KIDINS220: variants seen among roughly 807,000 people sequenced by gnomAD.
KIDINS220 encodes the protein kinase D-interacting substrate of 220 kDa.
Under a neutral mutation model 157.6 loss-of-function variants are expected in KIDINS220, and 63 were observed. The ratio of observed to expected loss-of-function variants is 0.40; its 90% CI spans 0.33 to 0.49. The LOEUF is 0.49. KIDINS220 is among the 20% of genes least tolerant of loss of function. The probability of loss-of-function intolerance (pLI) is 0.66; values close to 1 mark genes in which losing one functional copy is unlikely to be tolerated. For synonymous variants in KIDINS220, 732 were observed against 783.6 expected, an observed-to-expected ratio of 0.93 and a Z score of 1.10; for missense variants, 1,772 against 2,171.2, an observed-to-expected ratio of 0.82 and a Z score of 3.65.
intron 2 of KIDINS220, among the ~76,000 whole-genome samples, chr2:8,824,255 A>C (rs557980246): frequency 6.6e-6 from 1 of 152,362 alleles, no homozygotes; most frequent in South Asian, 2.1e-4. Context: ...GAAAACATTC[A>C]ATAAAAACAT....
At chr2:8,800,303 T>C in intron 9 of KIDINS220, 97 bp downstream of exon 9, 1 of 688,742 alleles carries the variant, frequency 1.5e-6, no homozygotes, top group East Asian at 2.8e-5. Context: ...TTTACAAGTT[T>C]ATCTCCATAG....
intron 22 of KIDINS220, among the ~76,000 whole-genome samples, chr2:8,770,371 G>A (rs1670034124): frequency 6.6e-6 from 1 of 152,090 alleles, no homozygotes; most frequent in Admixed American, 6.6e-5. Flanking sequence ...GTGCCACTGT[G>A]CTCCAACCCG....
At chr2:8,765,947 GT>G (rs1158725612) in intron 22 of KIDINS220, among the ~76,000 whole-genome samples, 1 of 151,916 alleles carries the variant, frequency 6.6e-6, no homozygotes, top group African/African-American at 2.4e-5. Context: ...TTCCACCCAG[GT>G]TCATTCCTAT....
In KIDINS220 at chr2:8,785,893, G is replaced by C. The variant is rs1672333282; in HGVS notation, c.2077C>G (p.Leu693Val). The stretch of plus-strand genomic sequence containing the variant: ...CCCACTACAGATGCGATTGATATGA[G>C]GACAGCATTTACAGTCAGATGCTTT... ...DPKHLTVNAVLISIASVVGLA... is the reference protein window; with the variant it reads ...DPKHLTVNAVVISIASVVGLA... Residue 693 changes from leucine to valine, a missense_variant, in exon 17 of 30, where the codon CTC becomes GTC. This residue lies in a region of KIDINS220 where 725 missense variants were observed against 1,017.1 expected (regional missense o/e 0.71). Coordinates refer to ENST00000256707, the MANE Select transcript of KIDINS220 (RefSeq NM_020738.4). 1 of 1,613,956 alleles carries C rather than the reference G, an allele frequency of 6.2e-7. No individual in the cohort carries two copies. Among genetic ancestry groups the C allele is most frequent in the Admixed American group, 1.7e-5 (1 of 59,998 alleles).
At chr2:8,783,913 C>G (rs1282211180) in intron 17 of KIDINS220, among the ~76,000 whole-genome samples, 2 of 151,952 alleles carry the variant, frequency 1.3e-5, no homozygotes, top group African/African-American at 4.8e-5. Flanking sequence ...GCAAGTTATT[C>G]AAGGTGAATC....
At chr2:8,733,780 G>T in intron 28 of KIDINS220, 100 bp from the exon 29 acceptor site, 1 of 760,708 alleles carries the variant, frequency 1.3e-6, no homozygotes, top group Non-Finnish European at 2.0e-6. Context: ...TATTGCAACA[G>T]CAATGAGAAA....
downstream of KIDINS220, chr2:8,726,744 T>G (rs1052689692): frequency 2.8e-5 from 11 of 397,506 alleles, no homozygotes; most frequent in African/African-American, 1.7e-4. Flanking sequence ...GCTATCTGCA[T>G]GTCTAAACAT....
chr2:8,779,284 C>T (rs1368043505), intron 18 of KIDINS220, 145 bp from the exon 19 acceptor site: 14 of 1,021,468 alleles, frequency 1.4e-5, no homozygotes, highest in Non-Finnish European at 1.5e-5. Context: ...TGCACAAAAG[C>T]AAATTTTACT....
At chr2:8,795,626 T>A (rs1430168826) in intron 11 of KIDINS220, among the ~76,000 whole-genome samples, 2 of 152,250 alleles carry the variant, frequency 1.3e-5, no homozygotes, top group East Asian at 3.8e-4. Context: ...GCAACTATCA[T>A]GTGTATTTGT....
rs185502049 is a variant in KIDINS220 at position 8,805,654 on chromosome 2, G to A, written c.603+617C>T. On this transcript the variant is annotated intron_variant, in intron 7 of 29. Transcript: ENST00000256707. ...ATAGGAGCAGTCAGCCAGGAACCAC[G>A]GACAAAAACCAAAATATGCACAGCA... 2.7e-3 allele frequency among the ~76,000 whole-genome samples: 411 copies of A among 152,102 alleles called. 4 individuals are homozygous for A. Among genetic ancestry groups the A allele is most frequent in the Non-Finnish European group, 4.6e-3 (313 of 67,988 alleles).
intron 15 of KIDINS220, among the ~76,000 whole-genome samples, chr2:8,786,774 A>T (rs1463427891): frequency 1.3e-5 from 2 of 152,188 alleles, no homozygotes; most frequent in Admixed American, 6.5e-5. Context: ...CTAACCCTGA[A>T]AAAATATTAA....
intron 22 of KIDINS220, among the ~76,000 whole-genome samples, chr2:8,752,666 A>G (rs934400195): frequency 7.2e-5 from 11 of 152,204 alleles, no homozygotes; most frequent in African/African-American, 2.2e-4. Flanking sequence ...TCTCCTTTGC[A>G]AAGAAAACAA....
At chr2:8,758,660 AT>A (rs1364467959) in intron 22 of KIDINS220, among the ~76,000 whole-genome samples, 1 of 151,710 alleles carries the variant, frequency 6.6e-6, no homozygotes, top group African/African-American at 2.4e-5. Flanking sequence ...TAGGGTGTTA[AT>A]TTAATATCTT....
intron 17 of KIDINS220, among the ~76,000 whole-genome samples, chr2:8,785,288 C>T (rs1442369899): frequency 6.6e-6 from 1 of 152,046 alleles, no homozygotes; most frequent in Non-Finnish European, 1.5e-5. Context: ...AGAGGTGAAG[C>T]ACAGAAGATT....
rs540489969 is a variant in KIDINS220, at chr2:8,729,362, T to C, written c.*1358A>G. The C allele has an allele frequency of 1.0e-6, 1 of 985,462 alleles. No homozygotes were observed. The allele number at this position is 985,462 out of a possible 1,614,324, so 61.0% of individuals were successfully genotyped here. On this transcript the variant is annotated 3_prime_UTR_variant, in exon 30 of 30. Transcript: ENST00000256707. Reference sequence around the variant, plus strand: ...TCGAAAATGTAACACTGAATCTAGATAATAGCGCATCTGCGATCTCACCAT... The same window carrying C: ...TCGAAAATGTAACACTGAATCTAGACAATAGCGCATCTGCGATCTCACCAT...
intron 1 of KIDINS220, among the ~76,000 whole-genome samples, chr2:8,830,206 C>G (rs1164804515): frequency 6.6e-6 from 1 of 152,166 alleles, no homozygotes; most frequent in East Asian, 1.9e-4. Context: ...TTGCAAGAGA[C>G]TAATTTAAAC....
At chr2:8,826,821 A>G (rs1223207111) in intron 2 of KIDINS220, 165 bp downstream of exon 2, 1 of 378,926 alleles carries the variant, frequency 2.6e-6, no homozygotes, top group Non-Finnish European at 4.7e-6. Flanking sequence ...GTACTCCAAA[A>G]ACATGAAATT....
intron 22 of KIDINS220, among the ~76,000 whole-genome samples, chr2:8,761,699 G>T (rs1387298061): frequency 1.3e-5 from 2 of 151,932 alleles, no homozygotes; most frequent in East Asian, 3.8e-4. Context: ...AAAGCAAAAT[G>T]TATTACATCT....
chr2:8,756,761 C>T (rs1668066311), intron 22 of KIDINS220, among the ~76,000 whole-genome samples: 1 of 152,178 alleles, frequency 6.6e-6, no homozygotes, highest in African/African-American at 2.4e-5. Flanking sequence ...CCCTCATGAC[C>T]TCATCTAAAC....
Sources: allele counts gnomAD v4.1 joint callset (sites outside exome capture counted in the v4.1 genomes callset), GRCh38; gene constraint gnomAD v4.1.1; regional missense constraint gnomAD v4.1.1; transcripts MANE v1.5; gene names NCBI Gene and HGNC (gene_info 2026-07-23, HGNC 2026-07-21).